NDUFA10: variants seen among roughly 807,000 people sequenced by gnomAD.
The protein encoded by NDUFA10 is NADH:ubiquinone oxidoreductase subunit A10.
A neutral mutation model predicts 47.8 loss-of-function variants in NDUFA10; 40 were observed. The ratio of observed to expected loss-of-function variants is 0.84; its 90% CI spans 0.65 to 1.09. NDUFA10 has a LOEUF of 1.09. Ranked by LOEUF, NDUFA10 falls within the 50% of genes least tolerant of loss-of-function variation. The probability of loss-of-function intolerance (pLI) is 0.00; values close to 1 mark genes in which losing one functional copy is unlikely to be tolerated. For missense variants in NDUFA10, 413 were observed against 451.1 expected (o/e 0.92, Z 0.76); for synonymous variants, 183 against 172.2 (o/e 1.06, Z -0.49).
At chr2:239,944,257 T>C (rs1362270273) in intron 4 of NDUFA10, among the ~76,000 whole-genome samples, 1 of 152,216 alleles carries the variant, frequency 6.6e-6, no homozygotes, top group Admixed American at 6.5e-5. Context: ...GACCTTTCCA[T>C]CATTTCACGT....
In NDUFA10 at chr2:240,005,332, C is replaced by A. The variant is rs774183916; in HGVS notation, c.805-37G>T. 7 of 1,531,960 alleles carry A rather than the reference C, an allele frequency of 4.6e-6. No homozygotes were observed. In the South Asian group the frequency reaches 7.8e-5, roughly 17 times the overall value. The allele number at this position is 1,531,960 out of a possible 1,614,324, so 94.9% of individuals were successfully genotyped here. Reference sequence around the variant, plus strand: ...AAAATTCCAATTTAAACAGAGAACCCCATTTTAGAAATTTAAATGAAATAA... The same window carrying A: ...AAAATTCCAATTTAAACAGAGAACCACATTTTAGAAATTTAAATGAAATAA... On this transcript the variant is annotated intron_variant, in intron 7 of 9. Transcript: ENST00000252711.
At chr2:239,992,796 C>A (rs1696305515) in intron 8 of NDUFA10, among the ~76,000 whole-genome samples, 1 of 152,086 alleles carries the variant, frequency 6.6e-6, no homozygotes, top group Non-Finnish European at 1.5e-5. Flanking sequence ...ACAAGCATAG[C>A]TATACACATA....
At chr2:240,019,047 G>A (rs1414938479) in intron 3 of NDUFA10, among the ~76,000 whole-genome samples, 1 of 151,864 alleles carries the variant, frequency 6.6e-6, no homozygotes, top group Non-Finnish European at 1.5e-5. Flanking sequence ...TACTATCACA[G>A]CAGCCCCGAC....
chr2:239,998,489 C>T (rs1696571664), intron 8 of NDUFA10, among the ~76,000 whole-genome samples: 1 of 152,186 alleles, frequency 6.6e-6, no homozygotes, highest in South Asian at 2.1e-4. Flanking sequence ...CAGGCCTATG[C>T]TGCTGTCTGT....
downstream of NDUFA10, among the ~76,000 whole-genome samples, chr2:239,953,022 G>C (rs563328002): frequency 1.3e-5 from 2 of 152,226 alleles, no homozygotes; most frequent in Non-Finnish European, 2.9e-5. Context: ...CCTTCTTGTC[G>C]GCCCAAGGTG....
chr2:240,010,178 T>A (rs6745629), intron 6 of NDUFA10, among the ~76,000 whole-genome samples: 2,035 of 152,298 alleles, frequency 0.013, 40 homozygotes, highest in African/African-American at 0.046. Flanking sequence ...GACCCCTACA[T>A]CAAGTGGCTC....
intron 4 of NDUFA10, among the ~76,000 whole-genome samples, chr2:239,940,812 CTA>C: frequency 6.6e-6 from 1 of 152,224 alleles, no homozygotes; most frequent in African/African-American, 2.4e-5. Flanking sequence ...TGGATTTCCA[CTA>C]TACAGCACAG....
chr2:239,999,265 G>A (rs10172994), intron 8 of NDUFA10, among the ~76,000 whole-genome samples: 111,737 of 152,166 alleles, frequency 0.73, 41,229 homozygotes, highest in African/African-American at 0.79. Flanking sequence ...TTCTGGACAG[G>A]GAACAACGGT....
At chr2:239,893,022 G>C (rs955365529) in intron 5 of NDUFA10, among the ~76,000 whole-genome samples, 3 of 152,146 alleles carry the variant, frequency 2.0e-5, no homozygotes, top group Non-Finnish European at 4.4e-5. Flanking sequence ...GGCTGCCTTG[G>C]GGAGCCGGGA....
chr2:239,905,774 T>G (rs1440469175), intron 4 of NDUFA10, among the ~76,000 whole-genome samples: 4 of 144,776 alleles, frequency 2.8e-5, no homozygotes, highest in African/African-American at 1.0e-4. Context: ...AGGCTAATTA[T>G]CTCTGAAGAA....
rs909635645 is a variant in NDUFA10, at chr2:239,982,106, C to A, written c.999+7968G>T. On this transcript the variant is annotated intron_variant, in intron 9 of 9. Coordinates refer to ENST00000252711, the MANE Select transcript of NDUFA10 (RefSeq NM_004544.4). ...CCCCTGCAGCAAACCAGTGACCTGACACGTGTACCTGAAGACCGATGAGAA... is the reference window on the plus strand; with the variant it reads ...CCCCTGCAGCAAACCAGTGACCTGAAACGTGTACCTGAAGACCGATGAGAA... 5 of 1,612,682 alleles carry A rather than the reference C, an allele frequency of 3.1e-6. No homozygotes were observed. The South Asian group carries it at 4.4e-5, about 14-fold the overall frequency.
chr2:240,003,309 A>G (rs1182123578), intron 8 of NDUFA10, among the ~76,000 whole-genome samples: 2 of 152,212 alleles, frequency 1.3e-5, no homozygotes, highest in Non-Finnish European at 2.9e-5. Context: ...TAAGAACACC[A>G]ACATCACAGG....
chr2:240,014,963 A>G, intron 4 of NDUFA10, 103 bp from the exon 5 acceptor site: 1 of 1,492,268 alleles, frequency 6.7e-7, no homozygotes, highest in Non-Finnish European at 9.2e-7. Context: ...CGCAATTCTC[A>G]AAGCCACGTA....
At chr2:239,972,351 A>G (rs1176237730) in intron 9 of NDUFA10, among the ~76,000 whole-genome samples, 1 of 152,204 alleles carries the variant, frequency 6.6e-6, no homozygotes, top group Non-Finnish European at 1.5e-5. Flanking sequence ...GCAATGGGTT[A>G]TGCCAAGCAT....
Position 239,945,936 on chromosome 2 carries a change from C to T in NDUFA10, c.294+44138G>A, listed in dbSNP as rs771823600. Reference sequence around the variant, plus strand: ...AAGACACTGCGCTGAGAATGGGATCCGCTTGCGGACAGGAAGCAGCCCAGA... The same window carrying T: ...AAGACACTGCGCTGAGAATGGGATCTGCTTGCGGACAGGAAGCAGCCCAGA... On this transcript the variant is annotated intron_variant, in intron 4 of 5. Transcript: ENST00000419408. The surrounding 1 kb of genome is among the most constrained non-coding windows in gnomAD (Gnocchi z 4.6). Among the ~76,000 whole-genome samples the T allele has an allele frequency of 1.3e-5, 2 of 152,158 alleles. No homozygotes were observed. Among genetic ancestry groups the T allele is most frequent in the African/African-American group, 4.8e-5 (2 of 41,432 alleles).
chr2:239,948,621 C>G (rs554818093), intron 4 of NDUFA10, among the ~76,000 whole-genome samples: 1 of 152,210 alleles, frequency 6.6e-6, no homozygotes, highest in African/African-American at 2.4e-5. Context: ...GTCGGTGGGA[C>G]CCGGATCCTG....
rs199633822 is a variant in NDUFA10, at chr2:239,899,084, G to GTGA, written c.295-3771_295-3770insTCA. The stretch of plus-strand genomic sequence containing the variant: ...TGATGGAGGGGTGTGATGGAGGAGT[G>GTGA]TGGAGGGGTGTGGTGGAGGGGTGTG... On this transcript the variant is annotated intron_variant, in intron 4 of 5. Transcript: ENST00000419408. Among the ~76,000 whole-genome samples the GTGA allele has an allele frequency of 5.9e-4, 19 of 32,386 alleles. 1 individual carries two copies. Among genetic ancestry groups the GTGA allele is most frequent in the South Asian group, 1.9e-3 (1 of 526 alleles). The allele number at this position is 32,386 out of a possible 152,430, so 21.2% of individuals were successfully genotyped here.
In NDUFA10 at chr2:239,945,372, C is replaced by T. The variant is rs1030116164; in HGVS notation, c.294+44702G>A. Among the ~76,000 whole-genome samples, 2 of 152,218 alleles carry T rather than the reference C, an allele frequency of 1.3e-5. No homozygotes were observed. Among genetic ancestry groups the T allele is most frequent in the South Asian group, 2.1e-4 (1 of 4,830 alleles). ...CTGCTGCTGAGTGGAGACAGGAAAT[C>T]AGAGCCTCCTTGCTACCCAGACCAA... is the stretch of plus-strand genomic sequence containing the variant. On this transcript the variant is annotated intron_variant, in intron 4 of 5. Coordinates refer to the NDUFA10 transcript ENST00000419408. The surrounding 1 kb of genome is among the most constrained non-coding windows in gnomAD (Gnocchi z 4.6).
intron 4 of NDUFA10, among the ~76,000 whole-genome samples, chr2:239,921,731 G>C (rs115987693): frequency 1.2e-3 from 176 of 152,284 alleles, no homozygotes; most frequent in Non-Finnish European, 2.0e-3. Context: ...GATGAGGCCG[G>C]GTCAGACATT....
Sources: gnomAD v4.1 joint callset for allele counts (sites outside exome capture counted in the v4.1 genomes callset) on GRCh38, gnomAD v4.1.1 for gene constraint, Gnocchi (gnomAD v3.1) non-coding constraint, MANE v1.5 for transcripts, NCBI Gene and HGNC (gene_info 2026-07-23, HGNC 2026-07-21) for gene names.